SLC35A3: variants seen among roughly 807,000 people sequenced by gnomAD.
SLC35A3 encodes the protein UDP-N-acetylglucosamine transporter.
A neutral mutation model predicts 39.0 loss-of-function variants in SLC35A3; 26 were observed. The observed-to-expected ratio is 0.67, with a 90% confidence interval of 0.49 to 0.92. The LOEUF is 0.92. Ranked by LOEUF, SLC35A3 falls within the 40% of genes least tolerant of loss-of-function variation. SLC35A3 has a pLI of 0.00. For synonymous variants in SLC35A3, 135 were observed against 133.1 expected (o/e 1.01, Z -0.10); for missense variants, 299 against 371.6 (o/e 0.80, Z 1.61).
chr1:100,035,446 G>A lies in SLC35A3; in HGVS notation c.*12970G>A, dbSNP rs1194582007. The A allele has an allele frequency of 6.6e-6, 1 of 152,124 alleles. No homozygotes were observed. The highest frequency in any genetic ancestry group is 1.5e-5 in the Non-Finnish European group (1 of 68,032). 9.4% of individuals were successfully genotyped at this position (152,124 alleles called of 1,614,324 possible). ...TTGCAGCCTTTCTAGCACAAAGCCT[G>A]GGACATTCTGGACATTTAGTATGTG... On this transcript the variant is annotated 3_prime_UTR_variant, in exon 8 of 8. Transcript: ENST00000533028.
Position 100,030,722 on chromosome 1 carries a change from C to A in SLC35A3, c.*8246C>A, listed in dbSNP as rs1224952007. The stretch of plus-strand genomic sequence containing the variant: ...GATACTGCATGTACAAACATGATTT[C>A]TAATAATTGAGGGTTTATTAAGTTT... On this transcript the variant is annotated 3_prime_UTR_variant, in exon 8 of 8. Coordinates refer to ENST00000533028, the MANE Select transcript of SLC35A3 (RefSeq NM_012243.3). 6.6e-6 allele frequency: 1 copy of A among 152,100 alleles called. No homozygotes were observed. The highest frequency in any genetic ancestry group is 1.9e-4 in the East Asian group (1 of 5,200). 9.4% of individuals were successfully genotyped at this position (152,100 alleles called of 1,614,324 possible). A position where few individuals can be genotyped will look rare whatever the true frequency, so the allele number is the denominator to read the frequency against.
intron 6 of SLC35A3, 110 bp from the exon 7 acceptor site, chr1:100,017,572 A>C (rs964462479): frequency 4.7e-6 from 3 of 638,066 alleles, no homozygotes; most frequent in Non-Finnish European, 7.6e-6. Context: ...CCCTTACTAT[A>C]ATGGGATTGA....
At chr1:99,976,758 A>T (rs1657126425) in intron 1 of SLC35A3, among the ~76,000 whole-genome samples, 1 of 152,218 alleles carries the variant, frequency 6.6e-6, no homozygotes, top group South Asian at 2.1e-4. Context: ...CTAAACATTG[A>T]GTACATATGA....
intron 1 of SLC35A3, among the ~76,000 whole-genome samples, chr1:99,990,948 C>G (rs951173341): frequency 1.7e-4 from 26 of 152,186 alleles, no homozygotes; most frequent in Non-Finnish European, 3.2e-4. Context: ...AGAAGGGCCT[C>G]ACTAGAACCC....
In SLC35A3 at chr1:100,034,511, A is replaced by C. The variant is rs1661399275; in HGVS notation, c.*12035A>C. 1 of 152,092 alleles carries C rather than the reference A, an allele frequency of 6.6e-6. No individual in the cohort carries two copies. Among genetic ancestry groups the C allele is most frequent in the Non-Finnish European group, 1.5e-5 (1 of 68,008 alleles). The allele number at this position is 152,092 out of a possible 1,614,324, so 9.4% of individuals were successfully genotyped here. A position where few individuals can be genotyped will look rare whatever the true frequency, so the allele number is the denominator to read the frequency against. The stretch of plus-strand genomic sequence containing the variant: ...AGGGTAGTATTTTCTATTGATTGAA[A>C]AGTTTTCATTTTCTGTTTTTTATAA... On this transcript the variant is annotated 3_prime_UTR_variant, in exon 8 of 8. Transcript: ENST00000533028.
At chr1:99,977,219 C>T (rs1305797054) in intron 1 of SLC35A3, among the ~76,000 whole-genome samples, 3 of 151,860 alleles carry the variant, frequency 2.0e-5, no homozygotes. Context: ...CTCTGTCACA[C>T]AAGAAGGAGT....
intron 4 of SLC35A3, chr1:100,008,496 G>A (rs1388396904): frequency 5.3e-5 from 8 of 152,310 alleles, no homozygotes; most frequent in Admixed American, 3.3e-4. Flanking sequence ...AGAGTGATTA[G>A]TGTGACACAC....
At chr1:99,998,048 C>T (rs1658528862) in intron 2 of SLC35A3, among the ~76,000 whole-genome samples, 1 of 152,054 alleles carries the variant, frequency 6.6e-6, no homozygotes, top group Non-Finnish European at 1.5e-5. Flanking sequence ...CTCAATGTCG[C>T]AGTCAGGGTG....
intron 2 of SLC35A3, among the ~76,000 whole-genome samples, chr1:99,994,454 C>A (rs376947244): frequency 6.6e-6 from 1 of 152,152 alleles, no homozygotes; most frequent in Non-Finnish European, 1.5e-5. Context: ...AACCCCCATT[C>A]TCCCTTACCC....
chr1:99,979,390 T>C (rs1657307295), intron 1 of SLC35A3, among the ~76,000 whole-genome samples: 1 of 151,950 alleles, frequency 6.6e-6, no homozygotes, highest in African/African-American at 2.4e-5. Flanking sequence ...CATCTTTATA[T>C]TGCATTCTTC....
intron 1 of SLC35A3, among the ~76,000 whole-genome samples, chr1:99,972,000 C>T (rs1177651221): frequency 6.6e-6 from 1 of 152,006 alleles, no homozygotes; most frequent in African/African-American, 2.4e-5. Flanking sequence ...CGGGTTCAAG[C>T]GATTCTCCTG....
At chr1:100,016,299 C>G (rs977399486) in intron 6 of SLC35A3, among the ~76,000 whole-genome samples, 1 of 150,418 alleles carries the variant, frequency 6.6e-6, no homozygotes, top group African/African-American at 2.5e-5. Context: ...CTCCTGACCT[C>G]GTTATCCACC....
intron 3 of SLC35A3, among the ~76,000 whole-genome samples, chr1:100,006,168 G>A (rs1204212027): frequency 6.6e-6 from 1 of 152,142 alleles, no homozygotes; most frequent in African/African-American, 2.4e-5. Flanking sequence ...TGTTAGTGGA[G>A]GCTGTGGCAA....
rs1186014669 is a variant in SLC35A3, at chr1:99,997,408, TTTTATATA to T, written c.188-1851_188-1844del. On this transcript the variant is annotated intron_variant, in intron 2 of 7. Transcript: ENST00000533028. Reference sequence around the variant, plus strand: ...ATACAGTTATATGTTTTATATATAGTTTTATATATATATATATATATATATATATATAT... The same window carrying T: ...ATACAGTTATATGTTTTATATATAGTTATATATATATATATATATATATAT... Among the ~76,000 whole-genome samples the T allele has an allele frequency of 1.7e-3, 92 of 55,716 alleles. 3 individuals are homozygous for T. Among genetic ancestry groups the T allele is most frequent in the African/African-American group, 5.8e-3 (79 of 13,506 alleles). 36.6% of individuals were successfully genotyped at this position (55,716 alleles called of 152,430 possible).
intron 3 of SLC35A3, 90 bp from the exon 4 acceptor site, chr1:100,006,944 A>G (rs1205914050): frequency 2.8e-6 from 4 of 1,407,532 alleles, no homozygotes; most frequent in African/African-American, 2.9e-5. Flanking sequence ...GCATGCTGCC[A>G]TAGTCCTTAA....
chr1:99,974,791 T>C (rs1209811844), intron 1 of SLC35A3, among the ~76,000 whole-genome samples: 1 of 152,210 alleles, frequency 6.6e-6, no homozygotes, highest in East Asian at 1.9e-4. Context: ...ACAGATTAAA[T>C]GAGATCTAAA....
rs545069374 is a variant in SLC35A3, at chr1:100,032,651, T to G, written c.*10175T>G. 2 of 152,308 alleles carry G rather than the reference T, an allele frequency of 1.3e-5. No individual in the cohort carries two copies. The highest frequency in any genetic ancestry group is 4.8e-5 in the African/African-American group (2 of 41,576). The allele number at this position is 152,308 out of a possible 1,614,324, so 9.4% of individuals were successfully genotyped here. ...ACCTCCACCCTCCGGGTTCAAATGA[T>G]TCTCCTTCCTCAGCCTCCTGAGTAG... On this transcript the variant is annotated 3_prime_UTR_variant, in exon 8 of 8. Coordinates refer to ENST00000533028, the MANE Select transcript of SLC35A3 (RefSeq NM_012243.3).
Position 99,994,099 on chromosome 1 carries a change from G to A in SLC35A3, c.187+358G>A, listed in dbSNP as rs115175419. Among the ~76,000 whole-genome samples, 897 of 152,016 alleles carry A rather than the reference G, an allele frequency of 5.9e-3. 4 individuals carry two copies. Among genetic ancestry groups the A allele is most frequent in the Admixed American group, 9.6e-3 (147 of 15,266 alleles). On this transcript the variant is annotated intron_variant, in intron 2 of 7. Coordinates refer to ENST00000533028, the MANE Select transcript of SLC35A3 (RefSeq NM_012243.3). ...TTTATTTGCTTTATTGATTAGTCCAGCAGTGACTAATTTTATATAGTTTTA... is the reference window on the plus strand; with the variant it reads ...TTTATTTGCTTTATTGATTAGTCCAACAGTGACTAATTTTATATAGTTTTA...
At chr1:99,984,422 T>C (rs746459198) in intron 1 of SLC35A3, among the ~76,000 whole-genome samples, 1 of 152,214 alleles carries the variant, frequency 6.6e-6, no homozygotes, top group Non-Finnish European at 1.5e-5. Flanking sequence ...ATGTCATTAT[T>C]TCATTTCTTT....
Sources: gnomAD v4.1 joint callset for allele counts (sites outside exome capture counted in the v4.1 genomes callset) on GRCh38, gnomAD v4.1.1 for gene constraint, MANE v1.5 for transcripts, NCBI Gene and HGNC (gene_info 2026-07-23, HGNC 2026-07-21) for gene names.